Variants in CDKL1 observed in about 807,000 individuals in gnomAD.
The protein encoded by CDKL1 is cyclin-dependent kinase-like 1.
A neutral mutation model predicts 42.0 loss-of-function variants in CDKL1; 41 were observed. That is an observed-to-expected ratio of 0.98 (90% CI 0.76 to 1.27). The LOEUF (loss-of-function observed/expected upper bound fraction) is 1.27, where lower values mean the gene tolerates loss of function less well. Ranked by LOEUF, CDKL1 falls within the 50% of genes most tolerant of loss-of-function variation. CDKL1 has a pLI of 0.00. For missense variants in CDKL1, 394 were observed against 428.4 expected (o/e 0.92, Z 0.71); for synonymous variants, 153 against 158.6 (o/e 0.96, Z 0.26).
intron 4 of CDKL1, among the ~76,000 whole-genome samples, chr14:50,343,954 T>G (rs1364035582): frequency 2.0e-5 from 3 of 152,194 alleles, no homozygotes; most frequent in Non-Finnish European, 4.4e-5. Context: ...GAAAAATCAT[T>G]TGGAACAATA....
At chr14:50,340,392 G>A (rs150750220) in intron 6 of CDKL1, among the ~76,000 whole-genome samples, 10 of 152,296 alleles carry the variant, frequency 6.6e-5, no homozygotes, top group African/African-American at 1.4e-4. Context: ...CTTAAACTGC[G>A]ATACTCAGGC....
chr14:50,369,127 A>G lies in CDKL1; in HGVS notation c.169-9978T>C, dbSNP rs535807200. Among the ~76,000 whole-genome samples, 10 of 152,194 alleles carry G rather than the reference A, an allele frequency of 6.6e-5. No homozygotes were observed. In the South Asian group the frequency reaches 8.3e-4, roughly 13 times the overall value. On this transcript the variant is annotated intron_variant, in intron 2 of 9. Transcript: ENST00000395834. ...AGTTATCTGCCCACCTCGGCCTCCC[A>G]AAGTGCTGAGATTATAGGTGTGAGC...
intron 2 of CDKL1, among the ~76,000 whole-genome samples, chr14:50,370,733 A>G (rs2034567330): frequency 6.6e-6 from 1 of 152,192 alleles, no homozygotes; most frequent in South Asian, 2.1e-4. Flanking sequence ...AGGGGCAGGC[A>G]TGTCACATGG....
At chr14:50,344,628 C>T (rs552903243) in intron 4 of CDKL1, among the ~76,000 whole-genome samples, 1 of 151,942 alleles carries the variant, frequency 6.6e-6, no homozygotes, top group South Asian at 2.1e-4. Context: ...CACCACCGCA[C>T]CCAGTTCATT....
intron 2 of CDKL1, among the ~76,000 whole-genome samples, chr14:50,360,859 A>G (rs533618389): frequency 2.0e-5 from 3 of 151,114 alleles, no homozygotes; most frequent in Non-Finnish European, 4.4e-5. Context: ...TATGTCCTCA[A>G]GGCTCACCCA....
At chr14:50,334,175 GA>G in intron 8 of CDKL1, 1 of 137,926 alleles carries the variant, frequency 7.3e-6, no homozygotes, top group Non-Finnish European at 1.5e-5. Context: ...TTTTTTTTTT[GA>G]GACGGAGTCT....
At chr14:50,359,976 T>G (rs2034188547) in intron 2 of CDKL1, among the ~76,000 whole-genome samples, 1 of 151,826 alleles carries the variant, frequency 6.6e-6, no homozygotes, top group African/African-American at 2.4e-5. Context: ...CAAAAAAAAG[T>G]CACAGGAAAA....
At chr14:50,332,021 G>A (rs1443978497) in intron 9 of CDKL1, 1 of 1,537,192 alleles carries the variant, frequency 6.5e-7, no homozygotes, top group South Asian at 1.2e-5. Context: ...TGCTCATGCA[G>A]GCTGGAAACC....
chr14:50,341,061 T>A lies in CDKL1; in HGVS notation c.626A>T (p.Asp209Val), dbSNP rs1022910473. 6.2e-7 allele frequency: 1 copy of A among 1,613,854 alleles called. No homozygotes were observed. The highest frequency in any genetic ancestry group is 1.3e-5 in the African/African-American group (1 of 75,030). The change falls in exon 6 of 10, where the codon GAT (aspartate) becomes GTT (valine). Residue 209 changes from aspartate (D) to valine (V), a missense_variant. Coordinates refer to ENST00000395834, the MANE Select transcript of CDKL1 (RefSeq NM_004196.7). ...VPLWPGKSDV[D>V]QLYLIRKTLG... The stretch of plus-strand genomic sequence containing the variant: ...GGTCTTCCTAATCAGATACAGCTGA[T>A]CCACATCCGATTTTCCTGGCCACAG...
intron 6 of CDKL1, 38 bp downstream of exon 6, chr14:50,340,994 T>G: frequency 6.2e-7 from 1 of 1,602,614 alleles, no homozygotes; most frequent in Non-Finnish European, 8.5e-7. Context: ...TGGGGAAATA[T>G]CCAGTTTTCC....
In CDKL1 at chr14:50,337,087, C is replaced by A. The variant is rs540408255; in HGVS notation, c.738+1860G>T. The stretch of plus-strand genomic sequence containing the variant: ...GTACTGACGTGATCTCGGCTCACTG[C>A]AACCTCCACCTCCCAAGGTCAAGCC... On this transcript the variant is annotated intron_variant, in intron 7 of 9. Transcript: ENST00000395834. 2.0e-5 allele frequency among the ~76,000 whole-genome samples: 3 copies of A among 152,048 alleles called. No homozygotes were observed. The East Asian group carries it at 5.8e-4, about 30-fold the overall frequency.
chr14:50,364,754 G>A (rs1463921584), intron 2 of CDKL1, among the ~76,000 whole-genome samples: 1 of 152,040 alleles, frequency 6.6e-6, no homozygotes, highest in Non-Finnish European at 1.5e-5. Context: ...CTCTGTAAAG[G>A]TTAATTATTG....
At chr14:50,370,774 T>C (rs1240316360) in intron 2 of CDKL1, among the ~76,000 whole-genome samples, 1 of 152,018 alleles carries the variant, frequency 6.6e-6, no homozygotes, top group African/African-American at 2.4e-5. Context: ...AGAGAGGGAA[T>C]TGGCAGTGGG....
In CDKL1 at chr14:50,329,147, C is replaced by T. The variant is rs1368720761; in HGVS notation, c.*927G>A. 6.6e-6 allele frequency: 1 copy of T among 151,638 alleles called. No individual in the cohort carries two copies. Among genetic ancestry groups the T allele is most frequent in the Non-Finnish European group, 1.5e-5 (1 of 67,968 alleles). The allele number at this position is 151,638 out of a possible 1,614,324, so 9.4% of individuals were successfully genotyped here. A position where few individuals can be genotyped will look rare whatever the true frequency, so the allele number is the denominator to read the frequency against. On this transcript the variant is annotated 3_prime_UTR_variant, in exon 10 of 10. Transcript: ENST00000395834. ...GTTTACAACATAATGTCTTTCATGA[C>T]TCAAGTAAAAGCTCACAAGTAATTT...
At chr14:50,343,154 A>AGTTT (rs1595281795) in intron 4 of CDKL1, 1 of 264,456 alleles carries the variant, frequency 3.8e-6, no homozygotes, top group African/African-American at 4.9e-5. Context: ...ATTAAGAGTT[A>AGTTT]CTTTTTTTTT....
intron 3 of CDKL1, chr14:50,358,028 C>CA (rs1324521874): frequency 7.4e-7 from 1 of 1,353,960 alleles, no homozygotes; most frequent in Non-Finnish European, 9.9e-7. Flanking sequence ...TCTCACCCTG[C>CA]AAGAGGCTGC....
At chr14:50,360,908 AT>A (rs1356607430) in intron 2 of CDKL1, among the ~76,000 whole-genome samples, 2 of 152,098 alleles carry the variant, frequency 1.3e-5, no homozygotes, top group African/African-American at 4.8e-5. Flanking sequence ...ATCGCATTGT[AT>A]GAATATACCA....
intron 3 of CDKL1, among the ~76,000 whole-genome samples, chr14:50,345,680 A>G (rs2033700992): frequency 6.6e-6 from 1 of 152,114 alleles, no homozygotes; most frequent in South Asian, 2.1e-4. Flanking sequence ...TTGCTCCCCC[A>G]TCGTAAATTG....
At chr14:50,378,858 T>A (rs1207971848) in intron 2 of CDKL1, among the ~76,000 whole-genome samples, 1 of 151,632 alleles carries the variant, frequency 6.6e-6, no homozygotes, top group African/African-American at 2.4e-5. Context: ...GACAATCTTT[T>A]TTTTTTTTTT....
Sources: allele counts gnomAD v4.1 joint callset (sites outside exome capture counted in the v4.1 genomes callset), GRCh38; gene constraint gnomAD v4.1.1; transcripts MANE v1.5; gene names NCBI Gene and HGNC (gene_info 2026-07-23, HGNC 2026-07-21).